Variants in SGCZ observed in about 807,000 individuals in gnomAD.
The protein encoded by SGCZ is sarcoglycan zeta.
SGCZ carries 40 observed loss-of-function variants against 41.3 expected under a neutral mutation model. The ratio of observed to expected loss-of-function variants is 0.97; its 90% CI spans 0.75 to 1.26. The LOEUF is 1.26. SGCZ is among the 50% of genes most tolerant of loss of function. The pLI, the probability that SGCZ is intolerant of heterozygous loss-of-function variation, is 0.00. For synonymous variants in SGCZ, 206 were observed against 137.5 expected, an observed-to-expected ratio of 1.50 and a Z score of -3.49; for missense variants, 552 against 369.8, an observed-to-expected ratio of 1.49 and a Z score of -4.04.
rs141722666 is a variant in SGCZ, at chr8:15,104,326, T to G, written c.39+133259A>C. ...GGAATTTTGTGCCTAAAGCAATGGA[T>G]GCAAAGCATTAGATAAAAGCTACAA... On this transcript the variant is annotated intron_variant, in intron 1 of 7. Coordinates refer to ENST00000382080, the MANE Select transcript of SGCZ (RefSeq NM_139167.4). 4.6e-5 allele frequency among the ~76,000 whole-genome samples: 7 copies of G among 152,290 alleles called. No homozygotes were observed. The East Asian group carries it at 1.2e-3, about 25-fold the overall frequency.
chr8:15,111,094 A>G (rs1170130680), intron 1 of SGCZ, among the ~76,000 whole-genome samples: 2 of 152,190 alleles, frequency 1.3e-5, no homozygotes, highest in African/African-American at 4.8e-5. Flanking sequence ...CTTATTTCAT[A>G]AAGCTGGATC....
At chr8:14,322,363 T>C (rs544566056) in intron 3 of SGCZ, among the ~76,000 whole-genome samples, 34 of 152,102 alleles carry the variant, frequency 2.2e-4, no homozygotes, top group African/African-American at 7.9e-4. Flanking sequence ...TTGGAAATGC[T>C]TGTGAACATG....
chr8:15,033,375 G>A (rs1339800109), intron 1 of SGCZ, among the ~76,000 whole-genome samples: 2 of 151,366 alleles, frequency 1.3e-5, no homozygotes, highest in South Asian at 2.1e-4. Context: ...ATAATCCCAG[G>A]CTCCAGACTA....
intron 1 of SGCZ, among the ~76,000 whole-genome samples, chr8:15,012,270 C>A (rs1050154772): frequency 6.6e-6 from 1 of 151,692 alleles, no homozygotes; most frequent in African/African-American, 2.4e-5. Context: ...TGAGATCAGA[C>A]TGGGCAACAT....
At position 14,358,838 on chromosome 8, in the gene SGCZ, T is replaced by C. The variant is rs1006844798; in HGVS notation, c.235-34634A>G. On this transcript the variant is annotated intron_variant, in intron 2 of 7. Transcript: ENST00000382080. ...CTTGGCCAGGCTGGTCTTGAACTCC[T>C]GACCTCGTGATCCACCTGCCTCAGC... 2.6e-5 allele frequency among the ~76,000 whole-genome samples: 4 copies of C among 152,092 alleles called. No individual in the cohort carries two copies. The East Asian group carries it at 7.7e-4, about 29-fold the overall frequency.
intron 1 of SGCZ, among the ~76,000 whole-genome samples, chr8:14,642,079 G>T (rs991645339): frequency 6.6e-6 from 1 of 151,560 alleles, no homozygotes; most frequent in Non-Finnish European, 1.5e-5. Flanking sequence ...AATTCACCTG[G>T]AAGTATTTTA....
chr8:14,806,453 C>A (rs1409348935), intron 1 of SGCZ, among the ~76,000 whole-genome samples: 1 of 151,788 alleles, frequency 6.6e-6, no homozygotes, highest in East Asian at 1.9e-4. Context: ...CTACAAACAC[C>A]TCTACGCAAA....
chr8:14,613,968 T>G (rs1031904750), intron 1 of SGCZ, among the ~76,000 whole-genome samples: 1 of 152,206 alleles, frequency 6.6e-6, no homozygotes, highest in African/African-American at 2.4e-5. Context: ...CATGACAGAT[T>G]GATTTTTTTA....
At chr8:14,152,348 A>G (rs2116954561) in intron 5 of SGCZ, among the ~76,000 whole-genome samples, 1 of 152,304 alleles carries the variant, frequency 6.6e-6, no homozygotes, top group Admixed American at 6.5e-5. Flanking sequence ...CAATGTCATG[A>G]GCTATTAAGG....
intron 1 of SGCZ, among the ~76,000 whole-genome samples, chr8:15,186,571 T>C (rs541987913): frequency 6.6e-6 from 1 of 152,272 alleles, no homozygotes; most frequent in South Asian, 2.1e-4. Context: ...TGAAATAATA[T>C]CTATTTGTTG....
rs911915073 is a variant in SGCZ at position 14,440,869 on chromosome 8, ACACG to A, written c.234+113859_234+113862del. 9.2e-5 allele frequency among the ~76,000 whole-genome samples: 14 copies of A among 151,634 alleles called. 1 individual carries two copies. Among genetic ancestry groups the A allele is most frequent in the Non-Finnish European group, 1.9e-4 (13 of 67,976 alleles). On this transcript the variant is annotated intron_variant, in intron 2 of 7. Transcript: ENST00000382080. Reference sequence around the variant, plus strand: ...CATATATGTACACACACACACACACACACGCACACACATACATGAGTAAGACTAG... The same window carrying A: ...CATATATGTACACACACACACACACACACACACATACATGAGTAAGACTAG...
chr8:14,687,822 G>A (rs986243643), intron 1 of SGCZ, among the ~76,000 whole-genome samples: 2 of 152,044 alleles, frequency 1.3e-5, no homozygotes, highest in Admixed American at 1.3e-4. Flanking sequence ...TAGTGTAAAA[G>A]TGTTCCTATT....
chr8:14,153,520 T>C (rs12548892), intron 5 of SGCZ, among the ~76,000 whole-genome samples: 65,413 of 151,946 alleles, frequency 0.43, 14,543 homozygotes, highest in East Asian at 0.69. Context: ...TTTCATACTG[T>C]CACTGAGAAG....
In SGCZ at chr8:14,942,189, T is replaced by C. The variant is rs77740786; in HGVS notation, c.39+295396A>G. 5.9e-3 allele frequency among the ~76,000 whole-genome samples: 901 copies of C among 152,014 alleles called. 9 individuals carry two copies. Among genetic ancestry groups the C allele is most frequent in the Non-Finnish European group, 8.9e-3 (607 of 67,978 alleles). ...TTGAGAGTATATAAACCTAACTCAG[T>C]CCCCGTACAGAAAAGGACCTACCCT... On this transcript the variant is annotated intron_variant, in intron 1 of 7. Transcript: ENST00000382080.
At chr8:15,088,763 G>A (rs545573708) in intron 1 of SGCZ, among the ~76,000 whole-genome samples, 13 of 152,164 alleles carry the variant, frequency 8.5e-5, no homozygotes, top group East Asian at 7.7e-4. Context: ...TTGGTCAGTC[G>A]CTAAACCATC....
At position 14,324,098 on chromosome 8, in the gene SGCZ, C is replaced by T; in HGVS notation, c.336+5G>A. ...TTAGAGTAAGCCAAAGCCAGTATCACATACCTTTCGAGAATGAATTTCTTT... is the reference window on the plus strand; with the variant it reads ...TTAGAGTAAGCCAAAGCCAGTATCATATACCTTTCGAGAATGAATTTCTTT... On this transcript the variant is annotated splice_donor_5th_base_variant and intron_variant, in intron 3 of 7. Coordinates refer to ENST00000382080, the MANE Select transcript of SGCZ (RefSeq NM_139167.4). The T allele has an allele frequency of 6.3e-7, 1 of 1,599,776 alleles. No individual in the cohort carries two copies. Among genetic ancestry groups the T allele is most frequent in the Non-Finnish European group, 8.6e-7 (1 of 1,168,200 alleles).
intron 1 of SGCZ, among the ~76,000 whole-genome samples, chr8:14,952,058 AT>A (rs1182382364): frequency 6.6e-6 from 1 of 152,054 alleles, no homozygotes; most frequent in Admixed American, 6.6e-5. Context: ...GAAGTAAAAT[AT>A]TTTTTTCTCA....
At chr8:14,435,641 T>C (rs1177841926) in intron 2 of SGCZ, among the ~76,000 whole-genome samples, 2 of 152,316 alleles carry the variant, frequency 1.3e-5, no homozygotes, top group South Asian at 2.1e-4. Context: ...GATTCAAAAG[T>C]ATTCTTTATG....
At chr8:14,895,281 T>C (rs1157391510) in intron 1 of SGCZ, among the ~76,000 whole-genome samples, 2 of 152,124 alleles carry the variant, frequency 1.3e-5, no homozygotes, top group African/African-American at 2.4e-5. Context: ...ACCTAATTCT[T>C]CTGATTGTTA....
Sources: gnomAD v4.1 joint callset for allele counts (sites outside exome capture counted in the v4.1 genomes callset) on GRCh38, gnomAD v4.1.1 for gene constraint, MANE v1.5 for transcripts, NCBI Gene and HGNC (gene_info 2026-07-23, HGNC 2026-07-21) for gene names.